DCDC1: variants seen among roughly 807,000 people sequenced by gnomAD.
DCDC1 encodes doublecortin domain-containing protein 1.
A neutral mutation model predicts 178.3 loss-of-function variants in DCDC1; 200 were observed. That is an observed-to-expected ratio of 1.12 (90% CI 1.00 to 1.26). The LOEUF (loss-of-function observed/expected upper bound fraction) is 1.26, where lower values mean the gene tolerates loss of function less well. DCDC1 is among the 50% of genes most tolerant of loss of function. DCDC1 has a pLI of 0.00. For missense variants in DCDC1, 1,983 were observed against 1,749.2 expected, an observed-to-expected ratio of 1.13 and a Z score of -2.38; for synonymous variants, 690 against 604.8, an observed-to-expected ratio of 1.14 and a Z score of -2.07.
chr11:30,906,385 A>G (rs1176906099), intron 30 of DCDC1, 155 bp downstream of exon 30: 26 of 747,456 alleles, frequency 3.5e-5, no homozygotes, highest in Non-Finnish European at 5.0e-5. Context: ...ACAATGGGGA[A>G]AAGGAAATCA....
At chr11:30,973,486 T>C (rs158582) in intron 20 of DCDC1, among the ~76,000 whole-genome samples, 109,281 of 151,764 alleles carry the variant, frequency 0.72, 40,048 homozygotes, top group African/African-American at 0.83. Context: ...CGAGAACACA[T>C]TAATACAGTG....
At chr11:31,072,298 G>A (rs576673103) in intron 18 of DCDC1, among the ~76,000 whole-genome samples, 74 of 151,904 alleles carry the variant, frequency 4.9e-4, no homozygotes, top group African/African-American at 1.5e-3. Context: ...AGTGCATATC[G>A]TTTTCTATGC....
intron 9 of DCDC1, among the ~76,000 whole-genome samples, chr11:31,185,260 G>T (rs994396143): frequency 6.6e-6 from 1 of 152,152 alleles, no homozygotes. Flanking sequence ...GGCCTGTTGG[G>T]GGTTGGGAGG....
chr11:31,018,898 G>T (rs540882163), intron 20 of DCDC1, among the ~76,000 whole-genome samples: 2 of 152,232 alleles, frequency 1.3e-5, no homozygotes, highest in South Asian at 4.1e-4. Context: ...TATAGGTACT[G>T]CAACCAAGAA....
At chr11:30,938,387 C>A (rs1466629753) in intron 21 of DCDC1, among the ~76,000 whole-genome samples, 1 of 152,146 alleles carries the variant, frequency 6.6e-6, no homozygotes, top group African/African-American at 2.4e-5. Context: ...CAGCTTTTAT[C>A]AAGTTTTTAG....
At chr11:31,122,838 T>G (rs1026546436) in intron 11 of DCDC1, among the ~76,000 whole-genome samples, 3 of 152,196 alleles carry the variant, frequency 2.0e-5, no homozygotes, top group African/African-American at 4.8e-5. Context: ...TTTTGTGCTA[T>G]TCACAATGCA....
chr11:31,004,985 C>T (rs1951762677), intron 20 of DCDC1, among the ~76,000 whole-genome samples: 1 of 152,054 alleles, frequency 6.6e-6, no homozygotes, highest in Admixed American at 6.5e-5. Context: ...TCTTCCTGAA[C>T]CCACCACGCA....
intron 20 of DCDC1, among the ~76,000 whole-genome samples, chr11:31,043,670 G>T (rs183527286): frequency 1.3e-3 from 200 of 152,076 alleles, no homozygotes; most frequent in African/African-American, 4.5e-3. Flanking sequence ...CACCACATGC[G>T]ATTTTTACAA....
intron 7 of DCDC1, among the ~76,000 whole-genome samples, chr11:31,273,043 A>T (rs1251235040): frequency 6.6e-6 from 1 of 152,142 alleles, no homozygotes; most frequent in East Asian, 1.9e-4. Flanking sequence ...CCTAGACTGC[A>T]ATGTAGTATG....
intron 7 of DCDC1, among the ~76,000 whole-genome samples, chr11:31,286,689 G>A (rs1206522150): frequency 2.6e-5 from 4 of 151,910 alleles, no homozygotes; most frequent in African/African-American, 9.7e-5. Flanking sequence ...CCCCAAAAAG[G>A]CTCATAAATT....
chr11:31,299,291 C>T (rs887259199), intron 6 of DCDC1, among the ~76,000 whole-genome samples: 1 of 150,618 alleles, frequency 6.6e-6, no homozygotes. Flanking sequence ...ACTAGTCTGA[C>T]ATATCATTTG....
intron 10 of DCDC1, among the ~76,000 whole-genome samples, chr11:31,130,554 T>C (rs1485483701): frequency 6.6e-6 from 1 of 152,136 alleles, no homozygotes. Context: ...GTAGCCAACA[T>C]GTAAAGTGAG....
intron 36 of DCDC1, 32 bp from the exon 37 acceptor site, chr11:30,881,340 A>G: frequency 6.2e-7 from 1 of 1,607,780 alleles, no homozygotes; most frequent in Non-Finnish European, 8.5e-7. Flanking sequence ...ACATTTGAAT[A>G]CGGAATGGCA....
chr11:31,358,467 C>T (rs1252173355), intron 1 of DCDC1, among the ~76,000 whole-genome samples: 2 of 151,510 alleles, frequency 1.3e-5, no homozygotes, highest in African/African-American at 4.8e-5. Context: ...AAACGTTAGA[C>T]CTAAAACCAT....
intron 6 of DCDC1, among the ~76,000 whole-genome samples, chr11:31,302,218 G>A (rs994014090): frequency 1.5e-4 from 23 of 152,182 alleles, no homozygotes; most frequent in Non-Finnish European, 1.0e-4. Flanking sequence ...CACAGGGCAC[G>A]AACCATTTAT....
chr11:31,309,106 T>C (rs988789744), intron 3 of DCDC1, among the ~76,000 whole-genome samples: 2 of 151,104 alleles, frequency 1.3e-5, no homozygotes, highest in Admixed American at 1.3e-4. Flanking sequence ...TCTGAAAAAA[T>C]GAATGGTAGT....
chr11:31,084,628 A>C (rs1957367597), intron 17 of DCDC1, among the ~76,000 whole-genome samples: 1 of 152,178 alleles, frequency 6.6e-6, no homozygotes, highest in Non-Finnish European at 1.5e-5. Context: ...CTACACAATT[A>C]GGATGATATG....
intron 31 of DCDC1, 165 bp from the exon 32 acceptor site, chr11:30,903,848 G>A (rs1944880629): frequency 1.7e-6 from 1 of 596,350 alleles, no homozygotes; most frequent in African/African-American, 1.9e-5. Context: ...GACTATTTTG[G>A]ATATTAGATT....
intron 7 of DCDC1, among the ~76,000 whole-genome samples, chr11:31,270,493 C>T (rs2137159548): frequency 6.6e-6 from 1 of 152,244 alleles, no homozygotes; most frequent in African/African-American, 2.4e-5. Flanking sequence ...ATAAATTAGC[C>T]TGAACTCCTT....
Sources: gnomAD v4.1 joint callset for allele counts (sites outside exome capture counted in the v4.1 genomes callset) on GRCh38, gnomAD v4.1.1 for gene constraint, MANE v1.5 for transcripts, NCBI Gene and HGNC (gene_info 2026-07-23, HGNC 2026-07-21) for gene names.